Variants in FGGY observed in about 807,000 individuals in gnomAD.
The protein encoded by FGGY is FGGY carbohydrate kinase domain-containing protein.
FGGY carries 72 observed loss-of-function variants against 71.3 expected under a neutral mutation model. The ratio of observed to expected loss-of-function variants is 1.01; its 90% CI spans 0.84 to 1.23. The LOEUF is 1.23. Among genes scored for constraint, FGGY ranks in the 50% most tolerant of loss-of-function variants. FGGY has a pLI of 0.00. For missense variants in FGGY, 668 were observed against 682.3 expected, an observed-to-expected ratio of 0.98 and a Z score of 0.23; for synonymous variants, 251 against 250.3, an observed-to-expected ratio of 1.00 and a Z score of -0.02.
chr1:59,761,780 C>T (rs1224301477), intron 15 of FGGY, among the ~76,000 whole-genome samples: 1 of 152,098 alleles, frequency 6.6e-6, no homozygotes, highest in Non-Finnish European at 1.5e-5. Context: ...GGGTTTTGCT[C>T]CTGGATAAAG....
chr1:59,641,993 C>T (rs578246085), intron 11 of FGGY, among the ~76,000 whole-genome samples: 9 of 152,100 alleles, frequency 5.9e-5, no homozygotes, highest in African/African-American at 2.2e-4. Context: ...TTCCTAGATC[C>T]CCCCACAACC....
intron 8 of FGGY, among the ~76,000 whole-genome samples, chr1:59,585,033 T>C (rs952258864): frequency 3.3e-5 from 5 of 152,140 alleles, no homozygotes; most frequent in Admixed American, 6.5e-5. Flanking sequence ...TACCAATAAA[T>C]GGAAGAACAT....
At chr1:59,375,413 C>G (rs979931041) in intron 4 of FGGY, among the ~76,000 whole-genome samples, 1 of 152,162 alleles carries the variant, frequency 6.6e-6, no homozygotes, top group African/African-American at 2.4e-5. Context: ...TATCTCCAGA[C>G]TTTTCTTTTG....
chr1:59,306,704 A>G (rs554731984), intron 1 of FGGY, among the ~76,000 whole-genome samples: 1 of 152,302 alleles, frequency 6.6e-6, no homozygotes, highest in South Asian at 2.1e-4. Context: ...GATCCAGATT[A>G]TTGTCCCCAG....
intron 10 of FGGY, among the ~76,000 whole-genome samples, chr1:59,632,304 G>A (rs191301671): frequency 2.0e-5 from 3 of 152,256 alleles, no homozygotes; most frequent in South Asian, 4.2e-4. Flanking sequence ...GAGATATAGA[G>A]CATTGGTTTC....
At chr1:59,626,226 A>G (rs1003255261) in intron 10 of FGGY, 177 bp downstream of exon 10, 1 of 542,022 alleles carries the variant, frequency 1.8e-6, no homozygotes, top group Admixed American at 3.5e-5. Context: ...TAAATGAGGT[A>G]AGAGAACTTA....
At chr1:59,566,613 G>A (rs2095876349) in intron 8 of FGGY, among the ~76,000 whole-genome samples, 1 of 151,796 alleles carries the variant, frequency 6.6e-6, no homozygotes, top group Admixed American at 6.6e-5. Flanking sequence ...GCTCCCTACT[G>A]CCAATAGAAA....
intron 1 of FGGY, among the ~76,000 whole-genome samples, chr1:59,302,726 A>G (rs1212241194): frequency 2.0e-5 from 3 of 152,208 alleles, no homozygotes; most frequent in Admixed American, 2.0e-4. Context: ...ATAATTTATT[A>G]ATATAAAAAA....
At chr1:59,549,141 A>G (rs2153698782) in intron 7 of FGGY, among the ~76,000 whole-genome samples, 1 of 152,176 alleles carries the variant, frequency 6.6e-6, no homozygotes, top group East Asian at 1.9e-4. Flanking sequence ...TTATCCTTCC[A>G]GAAGCATACA....
intron 3 of FGGY, among the ~76,000 whole-genome samples, chr1:59,342,818 G>A (rs113939466): frequency 2.6e-5 from 4 of 152,226 alleles, no homozygotes; most frequent in African/African-American, 9.6e-5. Flanking sequence ...AAGTATTGCC[G>A]TCTTTAGATG....
At chr1:59,455,324 T>TA (rs2091579016) in intron 5 of FGGY, among the ~76,000 whole-genome samples, 1 of 152,178 alleles carries the variant, frequency 6.6e-6, no homozygotes, top group South Asian at 2.1e-4. Flanking sequence ...GAAGGCTAAC[T>TA]AAGAGTTAGA....
chr1:59,731,722 G>T (rs976872459), intron 14 of FGGY, among the ~76,000 whole-genome samples: 1 of 152,098 alleles, frequency 6.6e-6, no homozygotes, highest in Admixed American at 6.6e-5. Context: ...CCTTGTGAGG[G>T]CCAGGAGGGA....
intron 4 of FGGY, among the ~76,000 whole-genome samples, chr1:59,375,152 C>G (rs1256446428): frequency 1.3e-5 from 2 of 149,238 alleles, no homozygotes; most frequent in African/African-American, 4.9e-5. Context: ...CCCAGCTACT[C>G]GGGAGGCTGA....
intron 4 of FGGY, 66 bp from the exon 5 acceptor site, chr1:59,378,683 C>A (rs2058976324): frequency 6.9e-7 from 1 of 1,449,622 alleles, no homozygotes; most frequent in Non-Finnish European, 9.6e-7. Context: ...AAATTTGAAA[C>A]ATTATTGAAA....
chr1:59,298,204 G>A (rs1008254560), intron 1 of FGGY, among the ~76,000 whole-genome samples: 1 of 151,962 alleles, frequency 6.6e-6, no homozygotes. Flanking sequence ...GATGACTGCC[G>A]CTTGGTCTTC....
intron 14 of FGGY, among the ~76,000 whole-genome samples, chr1:59,695,273 G>A (rs2097647309): frequency 6.6e-6 from 1 of 152,292 alleles, no homozygotes; most frequent in Admixed American, 6.5e-5. Flanking sequence ...CAAGTGAAAA[G>A]ATGGAGAGGA....
At chr1:59,567,447 G>T (rs531727151) in intron 8 of FGGY, among the ~76,000 whole-genome samples, 9 of 152,232 alleles carry the variant, frequency 5.9e-5, no homozygotes, top group African/African-American at 1.4e-4. Context: ...CCACAATTCT[G>T]TTGGTTGAGG....
At chr1:59,604,037 T>C (rs1309019739) in intron 8 of FGGY, among the ~76,000 whole-genome samples, 1 of 152,222 alleles carries the variant, frequency 6.6e-6, no homozygotes, top group Non-Finnish European at 1.5e-5. Flanking sequence ...TTAATACCTG[T>C]AATATGCTTA....
intron 7 of FGGY, among the ~76,000 whole-genome samples, chr1:59,533,859 G>A (rs1558250353): frequency 6.6e-6 from 1 of 152,166 alleles, no homozygotes; most frequent in Non-Finnish European, 1.5e-5. Flanking sequence ...ACCAAAAGTA[G>A]ATAAAACCAC....
Sources: allele counts gnomAD v4.1 joint callset (sites outside exome capture counted in the v4.1 genomes callset), GRCh38; gene constraint gnomAD v4.1.1; transcripts MANE v1.5; gene names NCBI Gene and HGNC (gene_info 2026-07-23, HGNC 2026-07-21).